The following AP1S3 variants were observed in gnomAD, a reference collection of about 807,000 sequenced individuals.
AP1S3 encodes the protein AP-1 complex subunit sigma-3.
AP1S3 carries 10 observed loss-of-function variants against 20.9 expected under a neutral mutation model. The observed-to-expected ratio is 0.48, with a 90% CI of 0.29 to 0.81. The LOEUF (loss-of-function observed/expected upper bound fraction) is 0.81. AP1S3 is among the 30% of genes least tolerant of loss of function. The pLI, the probability that AP1S3 is intolerant of heterozygous loss-of-function variation, is 0.08. For missense variants in AP1S3, 154 were observed against 183.8 expected (o/e 0.84, Z 0.94); for synonymous variants, 41 against 61.5 (o/e 0.67, Z 1.56).
At chr2:223,770,161 T>C (rs1374276570) in intron 3 of AP1S3, 22 of 1,546,182 alleles carry the variant, frequency 1.4e-5, no homozygotes, top group Non-Finnish European at 1.8e-5. Context: ...TAGACATCCA[T>C]GTACATGAAA....
rs551737949 is a variant in AP1S3, at chr2:223,775,931, G to A, written c.261C>T (p.Tyr87=). The A allele has an allele frequency of 1.3e-5, 21 of 1,614,066 alleles. No individual in the cohort carries two copies. The East Asian group carries it at 2.5e-4, about 19-fold the overall frequency. Residue 87 remains tyrosine (Y), a synonymous_variant, in exon 3 of 5, where the codon TAC becomes TAT. Transcript: ENST00000396654. Reference sequence around the variant, plus strand: ...CAAAATATTTGTCCAGCAGCTCCACGTAACGATGCACAATCTCTAGCGTCA... The same window carrying A: ...CAAAATATTTGTCCAGCAGCTCCACATAACGATGCACAATCTCTAGCGTCA... ...ELLTLEIVHR[Y]VELLDKYFGN...
At chr2:223,824,697 C>T (rs1360088061) in intron 1 of AP1S3, among the ~76,000 whole-genome samples, 1 of 152,050 alleles carries the variant, frequency 6.6e-6, no homozygotes, top group African/African-American at 2.4e-5. Context: ...GCCACATGCG[C>T]AGCTAATTTC....
At chr2:223,800,484 C>CG (rs1574712031) in intron 1 of AP1S3, among the ~76,000 whole-genome samples, 1 of 152,026 alleles carries the variant, frequency 6.6e-6, no homozygotes, top group East Asian at 1.9e-4. Flanking sequence ...GAGCTATGAT[C>CG]AGGCCACTGC....
At chr2:223,773,798 G>A (rs1212034702) in intron 3 of AP1S3, among the ~76,000 whole-genome samples, 2 of 152,186 alleles carry the variant, frequency 1.3e-5, no homozygotes, top group Non-Finnish European at 2.9e-5. Context: ...ACTTCAGTGA[G>A]TAAGGGAATA....
intron 1 of AP1S3, among the ~76,000 whole-genome samples, chr2:223,811,630 T>C (rs1429330743): frequency 6.6e-6 from 1 of 152,004 alleles, no homozygotes; most frequent in African/African-American, 2.4e-5. Context: ...TTCATCAGGT[T>C]GTTTTGGGCC....
intron 1 of AP1S3, among the ~76,000 whole-genome samples, chr2:223,816,941 A>T (rs747548330): frequency 6.6e-6 from 1 of 152,110 alleles, no homozygotes; most frequent in Non-Finnish European, 1.5e-5. Context: ...CAGCCTAGCC[A>T]TATTGAAACC....
At chr2:223,827,889 G>A (rs1037165280) in intron 1 of AP1S3, among the ~76,000 whole-genome samples, 7 of 151,328 alleles carry the variant, frequency 4.6e-5, no homozygotes, top group Admixed American at 1.3e-4. Context: ...GTGAAATCAC[G>A]TCCTACTTAA....
chr2:223,811,144 G>C (rs1691714898), intron 1 of AP1S3, among the ~76,000 whole-genome samples: 1 of 151,448 alleles, frequency 6.6e-6, no homozygotes, highest in African/African-American at 2.4e-5. Flanking sequence ...CCAGGCTGGA[G>C]TGCAGTGGCA....
intron 1 of AP1S3, among the ~76,000 whole-genome samples, chr2:223,779,012 C>G (rs1319670560): frequency 1.3e-5 from 2 of 152,118 alleles, no homozygotes; most frequent in East Asian, 3.8e-4. Context: ...AATGTAAGCT[C>G]TTTTCTCCAT....
Position 223,777,745 on chromosome 2 carries a change from C to A in AP1S3, c.128G>T (p.Gly43Val). Residue 43 changes from glycine to valine, a missense_variant, in exon 2 of 5, where the codon GGT becomes GTT. Gly to Val is a moderately radical substitution (Grantham distance 109, BLOSUM62 -3). Transcript: ENST00000396654. ...REIVQIILSR[G>V]HRTSSFVDWK... is the part of the protein sequence containing the mutation. ...GTCAACAAAACTGCTTGTCCTGTGA[C>A]CACGGGAGAGAATAATCTGAACAAT... 1 of 1,614,194 alleles carries A rather than the reference C, an allele frequency of 6.2e-7. No individual in the cohort carries two copies. Among genetic ancestry groups the A allele is most frequent in the South Asian group, 1.1e-5 (1 of 91,078 alleles).
intron 1 of AP1S3, among the ~76,000 whole-genome samples, chr2:223,805,279 A>C (rs968608844): frequency 3.3e-5 from 5 of 152,166 alleles, no homozygotes; most frequent in Non-Finnish European, 5.9e-5. Context: ...TCTCTACTAA[A>C]AAAAGAAACA....
At chr2:223,767,442 T>C (rs938819044) in intron 3 of AP1S3, among the ~76,000 whole-genome samples, 1 of 152,068 alleles carries the variant, frequency 6.6e-6, no homozygotes, top group African/African-American at 2.4e-5. Flanking sequence ...GCCTAGCACA[T>C]ATCAGTCAAC....
chr2:223,805,863 T>C (rs1455903567), intron 1 of AP1S3, among the ~76,000 whole-genome samples: 1 of 152,210 alleles, frequency 6.6e-6, no homozygotes, highest in South Asian at 2.1e-4. Context: ...GAGGTTAAAT[T>C]TGAATATGTT....
chr2:223,837,012 T>C (rs1481630161), intron 1 of AP1S3, among the ~76,000 whole-genome samples: 1 of 152,052 alleles, frequency 6.6e-6, no homozygotes, highest in Non-Finnish European at 1.5e-5. Context: ...CCGGTTGTAT[T>C]TGAGACTTTA....
At chr2:223,787,743 A>G (rs2106099929) in intron 1 of AP1S3, among the ~76,000 whole-genome samples, 1 of 150,310 alleles carries the variant, frequency 6.7e-6, no homozygotes, top group African/African-American at 2.4e-5. Flanking sequence ...ACGCACATGC[A>G]TATGCAACAC....
chr2:223,811,879 A>C (rs1180545969), intron 1 of AP1S3, among the ~76,000 whole-genome samples: 1 of 152,230 alleles, frequency 6.6e-6, no homozygotes. Flanking sequence ...AATCTGGCAC[A>C]GTGGCATAAA....
At chr2:223,814,929 A>G (rs1691811943) in intron 1 of AP1S3, among the ~76,000 whole-genome samples, 1 of 152,044 alleles carries the variant, frequency 6.6e-6, no homozygotes. Flanking sequence ...GGTACACACT[A>G]TCACTCCGGG....
At chr2:223,788,030 C>G (rs994271237) in intron 1 of AP1S3, among the ~76,000 whole-genome samples, 2 of 150,914 alleles carry the variant, frequency 1.3e-5, no homozygotes, top group Admixed American at 1.3e-4. Context: ...GATCTCGGCT[C>G]GCCCAGGTTC....
rs1690203695 is a variant in AP1S3 at position 223,756,007 on chromosome 2, AT to A, written c.*2707del. 2 of 985,436 alleles carry A rather than the reference AT, an allele frequency of 2.0e-6. No individual in the cohort carries two copies. Among genetic ancestry groups the A allele is most frequent in the South Asian group, 9.4e-5 (2 of 21,282 alleles). The allele number at this position is 985,436 out of a possible 1,614,324, so 61.0% of individuals were successfully genotyped here. A position where few individuals can be genotyped will look rare whatever the true frequency, so the allele number is the denominator to read the frequency against. ...AAAAGAACCGGAAAAACTATGATGG[AT>A]TTACATGAGGTCCATCTTTACAAAA... On this transcript the variant is annotated 3_prime_UTR_variant, in exon 5 of 5. Transcript: ENST00000396654.
Sources: gnomAD v4.1 joint callset for allele counts (sites outside exome capture counted in the v4.1 genomes callset) on GRCh38, gnomAD v4.1.1 for gene constraint, MANE v1.5 for transcripts, NCBI Gene and HGNC (gene_info 2026-07-23, HGNC 2026-07-21) for gene names.